NOL4: variants seen among roughly 807,000 people sequenced by gnomAD.
NOL4 encodes the protein cancer/testis antigen 125.
Under a neutral mutation model 75.9 loss-of-function variants are expected in NOL4, and 17 were observed. The ratio of observed to expected loss-of-function variants is 0.22; its 90% CI spans 0.15 to 0.34. The LOEUF (loss-of-function observed/expected upper bound fraction) is 0.34, where lower values mean the gene tolerates loss of function less well. NOL4 is among the 10% of genes least tolerant of loss of function. The probability of loss-of-function intolerance (pLI) is 1.00; values close to 1 mark genes in which losing one functional copy is unlikely to be tolerated. For synonymous variants in NOL4, 292 were observed against 289.9 expected (o/e 1.01, Z -0.07); for missense variants, 614 against 793.5 (o/e 0.77, Z 2.72).
At chr18:33,945,066 A>T (rs907440426) in intron 8 of NOL4, among the ~76,000 whole-genome samples, 3 of 151,932 alleles carry the variant, frequency 2.0e-5, no homozygotes, top group Non-Finnish European at 2.9e-5. Flanking sequence ...AAATTATTTG[A>T]TTGTAGTTAG....
chr18:34,222,024 G>A (rs987391361), intron 1 of NOL4: 1 of 1,534,956 alleles, frequency 6.5e-7, no homozygotes, highest in African/African-American at 1.4e-5. Context: ...ACCCACCGTG[G>A]CATGATGCAG....
intron 1 of NOL4, among the ~76,000 whole-genome samples, chr18:34,211,562 T>C (rs1402279521): frequency 6.6e-6 from 1 of 152,192 alleles, no homozygotes; most frequent in African/African-American, 2.4e-5. Context: ...GCAACTGTAG[T>C]TACATCCAGT....
chr18:33,974,632 T>C (rs187227075), intron 6 of NOL4, among the ~76,000 whole-genome samples: 10 of 152,168 alleles, frequency 6.6e-5, no homozygotes, highest in Admixed American at 5.2e-4. Flanking sequence ...ACAATAATAA[T>C]GAAAAAGTTT....
intron 1 of NOL4, among the ~76,000 whole-genome samples, chr18:34,191,804 G>T (rs772306338): frequency 3.2e-4 from 49 of 152,152 alleles, no homozygotes; most frequent in African/African-American, 1.2e-3. Flanking sequence ...AGCCGACTAC[G>T]CCAGCAGAGA....
At chr18:34,190,232 A>G (rs1038606521) in intron 1 of NOL4, among the ~76,000 whole-genome samples, 4 of 151,862 alleles carry the variant, frequency 2.6e-5, no homozygotes, top group African/African-American at 7.2e-5. Context: ...AGATTGATTG[A>G]TATTCATTTA....
At chr18:34,138,521 T>G (rs2080997642) in intron 1 of NOL4, among the ~76,000 whole-genome samples, 1 of 152,276 alleles carries the variant, frequency 6.6e-6, no homozygotes, top group Non-Finnish European at 1.5e-5. Flanking sequence ...GACAAAATGT[T>G]CCAAAATTAG....
intron 5 of NOL4, among the ~76,000 whole-genome samples, chr18:34,049,946 CT>C (rs1303875686): frequency 6.6e-6 from 1 of 152,050 alleles, no homozygotes; most frequent in Admixed American, 6.6e-5. Flanking sequence ...GTTTGAAAAG[CT>C]TTATGATGTT....
intron 2 of NOL4, among the ~76,000 whole-genome samples, chr18:34,109,389 T>G (rs559793746): frequency 8.2e-4 from 125 of 152,108 alleles, no homozygotes; most frequent in African/African-American, 2.3e-3. Flanking sequence ...CATGGTGGCA[T>G]GCACCTGTAG....
chr18:34,081,286 T>G (rs1194875389), intron 5 of NOL4, among the ~76,000 whole-genome samples: 2 of 152,182 alleles, frequency 1.3e-5, no homozygotes, highest in East Asian at 1.9e-4. Flanking sequence ...TGGCATTTTA[T>G]TTTGAAAAGT....
chr18:34,217,827 A>G (rs2037018513), intron 1 of NOL4, among the ~76,000 whole-genome samples: 1 of 152,040 alleles, frequency 6.6e-6, no homozygotes, highest in Non-Finnish European at 1.5e-5. Flanking sequence ...TATATACACT[A>G]CTAACTATGC....
rs2065627491 is a variant in NOL4 at position 33,899,595 on chromosome 18, G to A, written c.1543-16171C>T. 2.0e-5 allele frequency among the ~76,000 whole-genome samples: 3 copies of A among 152,274 alleles called. No homozygotes were observed. The Middle Eastern group carries it at 0.01, about 518-fold the overall frequency. On this transcript the variant is annotated intron_variant, in intron 9 of 10. Transcript: ENST00000261592. ...GGGACCCCTGCTAGTTCCCTTGGCA[G>A]TACTGGCTGTCTCTATGCATACTGC...
chr18:33,910,007 G>T (rs1379143337), intron 9 of NOL4, among the ~76,000 whole-genome samples: 1 of 152,122 alleles, frequency 6.6e-6, no homozygotes. Flanking sequence ...GAAGACATAG[G>T]CTAAGTGCAT....
At chr18:34,049,402 G>A (rs1315016694) in intron 5 of NOL4, among the ~76,000 whole-genome samples, 2 of 151,758 alleles carry the variant, frequency 1.3e-5, no homozygotes, top group African/African-American at 2.4e-5. Flanking sequence ...TAATGAACAC[G>A]TATATTAATA....
At chr18:33,969,112 C>T (rs769071176) in intron 6 of NOL4, among the ~76,000 whole-genome samples, 8 of 152,050 alleles carry the variant, frequency 5.3e-5, no homozygotes, top group Admixed American at 1.3e-4. Flanking sequence ...AGTTTCCCTG[C>T]GCAGTGATTG....
At chr18:34,083,405 G>A (rs748775254) in intron 5 of NOL4, among the ~76,000 whole-genome samples, 1 of 152,112 alleles carries the variant, frequency 6.6e-6, no homozygotes, top group Non-Finnish European at 1.5e-5. Context: ...GGAAGGGCCA[G>A]CTGGGAGAAA....
At chr18:33,879,661 A>T (rs1005554838) in intron 10 of NOL4, among the ~76,000 whole-genome samples, 7 of 152,128 alleles carry the variant, frequency 4.6e-5, no homozygotes, top group African/African-American at 1.4e-4. Flanking sequence ...AGCCTGGGCA[A>T]CAGAGTGAAA....
chr18:34,133,595 T>G (rs1370027833), intron 1 of NOL4, among the ~76,000 whole-genome samples: 3 of 152,014 alleles, frequency 2.0e-5, no homozygotes, highest in African/African-American at 7.2e-5. Context: ...AATAATAACA[T>G]AGAGAAATGT....
intron 5 of NOL4, among the ~76,000 whole-genome samples, chr18:34,024,193 AAATATATATATAT>A (rs1288258433): frequency 9.1e-6 from 1 of 110,262 alleles, no homozygotes; most frequent in Non-Finnish European, 2.0e-5. Context: ...AAAAAAAAAA[AAATATATATATAT>A]ATATATATAA....
intron 9 of NOL4, among the ~76,000 whole-genome samples, chr18:33,926,393 C>A (rs866079960): frequency 1.4e-4 from 20 of 142,292 alleles, no homozygotes; most frequent in African/African-American, 5.1e-4. Flanking sequence ...AAAGACATCT[C>A]ACTACTTTCA....
Sources: allele counts gnomAD v4.1 joint callset (sites outside exome capture counted in the v4.1 genomes callset), GRCh38; gene constraint gnomAD v4.1.1; transcripts MANE v1.5; gene names NCBI Gene and HGNC (gene_info 2026-07-23, HGNC 2026-07-21).